The following ATG14 variants were observed in gnomAD, a reference collection of about 807,000 sequenced individuals.
ATG14 encodes beclin 1-associated autophagy-related key regulator.
In ATG14, 35 loss-of-function variants were observed where a neutral mutation model predicts 60.4. The ratio of observed to expected loss-of-function variants is 0.58; its 90% CI spans 0.44 to 0.77. The LOEUF (loss-of-function observed/expected upper bound fraction) is 0.77. Among genes scored for constraint, ATG14 ranks in the 30% least tolerant of loss-of-function variants. ATG14 has a pLI of 0.00. For missense variants in ATG14, 647 were observed against 626.3 expected, an observed-to-expected ratio of 1.03 and a Z score of -0.35; for synonymous variants, 234 against 228.8, an observed-to-expected ratio of 1.02 and a Z score of -0.21.
At chr14:55,392,717 G>A (rs547519158) in intron 3 of ATG14, among the ~76,000 whole-genome samples, 2 of 151,234 alleles carry the variant, frequency 1.3e-5, no homozygotes, top group African/African-American at 2.4e-5. Flanking sequence ...TAATGACTCC[G>A]TAAAGTGAAT....
Position 55,397,369 on chromosome 14 carries a change from C to A in ATG14, c.284+3G>T, listed in dbSNP as rs369641361. On this transcript the variant is annotated splice_donor_region_variant and intron_variant, in intron 2 of 9. Coordinates refer to ENST00000247178, the MANE Select transcript of ATG14 (RefSeq NM_014924.5). Reference sequence around the variant, plus strand: ...AAATTAAAAGACAAAACAAAACACTCACTCTTTCTGAAATTCTTCTTGCTT... The same window carrying A: ...AAATTAAAAGACAAAACAAAACACTAACTCTTTCTGAAATTCTTCTTGCTT... The A allele has an allele frequency of 6.2e-7, 1 of 1,612,462 alleles. No homozygotes were observed. The highest frequency in any genetic ancestry group is 2.2e-5 in the East Asian group (1 of 44,872).
intron 2 of ATG14, 79 bp from the exon 3 acceptor site, chr14:55,396,061 TTAAAA>T (rs970237571): frequency 1.2e-5 from 13 of 1,121,240 alleles, no homozygotes; most frequent in Non-Finnish European, 1.7e-5. Flanking sequence ...AATCAAACAC[TTAAAA>T]TTAAGTCCTT....
chr14:55,407,924 A>G (rs1363423511), intron 1 of ATG14, among the ~76,000 whole-genome samples: 1 of 152,116 alleles, frequency 6.6e-6, no homozygotes, highest in Non-Finnish European at 1.5e-5. Context: ...GGCAGAAGAA[A>G]CGGCAAGGAA....
At position 55,379,316 on chromosome 14, in the gene ATG14, GCTTGAGCCCAGGAGTTC is replaced by G. The variant is rs552668581; in HGVS notation, c.995+1240_996-1243del. Among the ~76,000 whole-genome samples, 58 of 152,004 alleles carry G rather than the reference GCTTGAGCCCAGGAGTTC, an allele frequency of 3.8e-4. 3 individuals are homozygous for G. In the East Asian group the frequency reaches 7.4e-3, roughly 19 times the overall value. Reference sequence around the variant, plus strand: ...TGTGGGAGGCAGAGGAGGGCGGATCGCTTGAGCCCAGGAGTTCAAGACCAGCCTGGGCAACATAGGGA... The same window carrying G: ...TGTGGGAGGCAGAGGAGGGCGGATCGAAGACCAGCCTGGGCAACATAGGGA... On this transcript the variant is annotated intron_variant, in intron 7 of 9. Transcript: ENST00000247178.
chr14:55,387,160 T>C (rs1460606767), intron 4 of ATG14, among the ~76,000 whole-genome samples: 1 of 152,148 alleles, frequency 6.6e-6, no homozygotes, highest in Non-Finnish European at 1.5e-5. Flanking sequence ...TTATAGTCAA[T>C]GCTCAGTGGT....
Position 55,397,565 on chromosome 14 carries a change from G to T in ATG14, c.222-131C>A, listed in dbSNP as rs969514219. 10 of 731,130 alleles carry T rather than the reference G, an allele frequency of 1.4e-5. No homozygotes were observed. In the Admixed American group the frequency reaches 1.6e-4, roughly 11 times the overall value. 45.3% of individuals were successfully genotyped at this position (731,130 alleles called of 1,614,324 possible). Reference sequence around the variant, plus strand: ...GTCATTGTCCTGATAGTAAATACACGTCTTCTCAACGGGGTGCACACAACT... The same window carrying T: ...GTCATTGTCCTGATAGTAAATACACTTCTTCTCAACGGGGTGCACACAACT... On this transcript the variant is annotated intron_variant, in intron 1 of 9. Transcript: ENST00000247178.
chr14:55,387,740 C>CTCA (rs992089558), intron 4 of ATG14, among the ~76,000 whole-genome samples: 4 of 152,028 alleles, frequency 2.6e-5, no homozygotes, highest in Non-Finnish European at 1.5e-5. Context: ...TGCATCTCGG[C>CTCA]TCACTGCAAC....
rs1404559738 is a variant in ATG14, at chr14:55,380,631, G to T, written c.937C>A (p.Leu313Met). Residue 313 changes from leucine (L) to methionine (M), a missense_variant, in exon 7 of 10, where the codon CTG becomes ATG. Leu to Met is a conservative substitution (Grantham distance 15). Transcript: ENST00000247178. Reference sequence around the variant, plus strand: ...AGTATATGAGACAGAATGTTGACCAGCTGAGTTGCATAGCACAGCGCAGCA... The same window carrying T: ...AGTATATGAGACAGAATGTTGACCATCTGAGTTGCATAGCACAGCGCAGCA... The part of the protein sequence containing the change: ...ISAALCYATQ[L>M]VNILSHILDV... 2.5e-6 allele frequency: 4 copies of T among 1,613,114 alleles called. No individual in the cohort carries two copies. The highest frequency in any genetic ancestry group is 3.4e-6 in the Non-Finnish European group (4 of 1,179,652).
intron 2 of ATG14, among the ~76,000 whole-genome samples, chr14:55,396,548 G>C (rs1566584014): frequency 6.6e-6 from 1 of 152,216 alleles, no homozygotes; most frequent in East Asian, 1.9e-4. Context: ...TTGGGAATCA[G>C]TGGCCTGAGC....
chr14:55,406,937 C>A (rs1360512760), intron 1 of ATG14, among the ~76,000 whole-genome samples: 1 of 151,154 alleles, frequency 6.6e-6, no homozygotes, highest in African/African-American at 2.4e-5. Flanking sequence ...CTAATGCTCA[C>A]ATTTAGCCAA....
At chr14:55,382,610 C>T (rs1885055214) in intron 5 of ATG14, among the ~76,000 whole-genome samples, 1 of 152,170 alleles carries the variant, frequency 6.6e-6, no homozygotes, top group African/African-American at 2.4e-5. Flanking sequence ...CGTGACCAGC[C>T]AAAGTGCAAA....
At chr14:55,370,100 A>T (rs1884781096) in intron 9 of ATG14, among the ~76,000 whole-genome samples, 175 bp from the exon 10 acceptor site, 1 of 152,160 alleles carries the variant, frequency 6.6e-6, no homozygotes, top group East Asian at 1.9e-4. Context: ...CCTTTACCCA[A>T]ATAATCTCCA....
chr14:55,370,730 G>A (rs570682715), intron 9 of ATG14, among the ~76,000 whole-genome samples: 1 of 150,446 alleles, frequency 6.6e-6, no homozygotes, highest in Non-Finnish European at 1.5e-5. Context: ...AACCTCCACC[G>A]CCCAGGTGCA....
intron 4 of ATG14, among the ~76,000 whole-genome samples, chr14:55,388,156 T>A (rs1240871863): frequency 6.6e-6 from 1 of 152,048 alleles, no homozygotes; most frequent in African/African-American, 2.4e-5. Flanking sequence ...AACAACAACA[T>A]CTCTTTGCCA....
intron 9 of ATG14, among the ~76,000 whole-genome samples, chr14:55,375,517 T>A (rs558617052): frequency 0.02 from 2,931 of 143,084 alleles, 99 homozygotes; most frequent in African/African-American, 0.073. Context: ...TTTTTTTTTT[T>A]ACTTTTTGTA....
In ATG14 at chr14:55,411,628, G is replaced by A. The variant is rs1885574502; in HGVS notation, c.195C>T (p.Val65=). The A allele has an allele frequency of 1.2e-6, 2 of 1,612,352 alleles. No individual in the cohort carries two copies. Among genetic ancestry groups the A allele is most frequent in the Non-Finnish European group, 1.7e-6 (2 of 1,179,664 alleles). Residue 65 remains valine (V), a synonymous_variant, in exon 1 of 10, where the codon GTC becomes GTT. Coordinates refer to ENST00000247178, the MANE Select transcript of ATG14 (RefSeq NM_014924.5). The stretch of plus-strand genomic sequence containing the variant: ...TCTCCCGGTCGCGGCCGTCGAAGTA[G>A]ACGAAATCGCCGCTCTGAACGCATT... ...CAKCVQSGDF[V]YFDGRDRERF...
At chr14:55,377,436 G>A (rs984518218) in intron 9 of ATG14, among the ~76,000 whole-genome samples, 2 of 152,114 alleles carry the variant, frequency 1.3e-5, no homozygotes, top group Non-Finnish European at 2.9e-5. Context: ...CAGACACTAG[G>A]TAGGGCTAGA....
Position 55,377,906 on chromosome 14 carries a change from T to TA in ATG14, c.1087-3dup, listed in dbSNP as rs780668794. 4.9e-5 allele frequency: 79 copies of TA among 1,599,422 alleles called. No homozygotes were observed. The highest frequency in any genetic ancestry group is 2.4e-4 in the South Asian group (21 of 88,352). ...TTGTAATTGATCTAAATTTACATGC[T>TA]AAAAAAAATTAAAGAATTGGTTAAT... On this transcript the variant is annotated splice_polypyrimidine_tract_variant and splice_region_variant and intron_variant, in intron 8 of 9. Transcript: ENST00000247178.
At chr14:55,398,816 G>A (rs1885355833) in intron 1 of ATG14, among the ~76,000 whole-genome samples, 2 of 151,698 alleles carry the variant, frequency 1.3e-5, no homozygotes, top group African/African-American at 4.8e-5. Flanking sequence ...GCTACTGAGT[G>A]CCTAAGATGT....
Sources: gnomAD v4.1 joint callset for allele counts (sites outside exome capture counted in the v4.1 genomes callset) on GRCh38, gnomAD v4.1.1 for gene constraint, MANE v1.5 for transcripts, NCBI Gene and HGNC (gene_info 2026-07-23, HGNC 2026-07-21) for gene names.